The following CELF2 variants were observed in gnomAD, a reference collection of about 807,000 sequenced individuals.
CELF2 encodes the protein CUGBP Elav-like family member 2.
CELF2 carries 8 observed loss-of-function variants against 62.6 expected under a neutral mutation model. That is an observed-to-expected ratio of 0.13 (90% CI 0.07 to 0.23). The LOEUF is 0.23. CELF2 is among the 10% of genes least tolerant of loss of function. CELF2 has a pLI of 1.00. For synonymous variants in CELF2, 258 were observed against 250.0 expected, an observed-to-expected ratio of 1.03 and a Z score of -0.30; for missense variants, 333 against 671.0, an observed-to-expected ratio of 0.50 and a Z score of 5.56.
intron 2 of CELF2, among the ~76,000 whole-genome samples, chr10:10,961,035 C>T (rs1032218753): frequency 2.0e-5 from 3 of 152,148 alleles, no homozygotes; most frequent in Admixed American, 1.3e-4. Flanking sequence ...TTAGCACAGC[C>T]CCCAGCTGCC....
the CELF2 span, among the ~76,000 whole-genome samples, chr10:10,771,739 G>T: frequency 6.6e-6 from 1 of 152,188 alleles, no homozygotes; most frequent in Non-Finnish European, 1.5e-5. Flanking sequence ...TGATTGTGAG[G>T]CTTCCCCAGC....
chr10:11,179,937 T>C (rs896763833), intron 2 of CELF2, among the ~76,000 whole-genome samples: 1 of 152,122 alleles, frequency 6.6e-6, no homozygotes, highest in African/African-American at 2.4e-5. Context: ...GTTCTCAAAA[T>C]AGTCCTAAAC....
At chr10:11,094,848 CA>C (rs2142116166) in intron 1 of CELF2, among the ~76,000 whole-genome samples, 1 of 152,262 alleles carries the variant, frequency 6.6e-6, no homozygotes, top group Admixed American at 6.5e-5. Context: ...GGGACATTGA[CA>C]AGAACTCTAG....
At position 11,006,758 on chromosome 10, in the gene CELF2, G is replaced by T. The variant is rs893721653; in HGVS notation, c.53+1318G>T. 5.9e-5 allele frequency among the ~76,000 whole-genome samples: 9 copies of T among 152,268 alleles called. No homozygotes were observed. The South Asian group carries it at 1.9e-3, about 32-fold the overall frequency. On this transcript the variant is annotated intron_variant, in intron 1 of 12. Coordinates refer to the CELF2 transcript ENST00000416382. ...AAACTATTATTATATAGCCTATTAA[G>T]TTGTGAAGTTCAAGGTCTCTGTGGA...
At chr10:10,812,260 A>G (rs1281838251) in intron 1 of CELF2, among the ~76,000 whole-genome samples, 1 of 152,196 alleles carries the variant, frequency 6.6e-6, no homozygotes, top group Non-Finnish European at 1.5e-5. Flanking sequence ...CAAAAGGGGA[A>G]ACCCCTTATC....
chr10:10,581,684 G>A, the CELF2 span, among the ~76,000 whole-genome samples: 611 of 152,278 alleles, frequency 4.0e-3, 2 homozygotes, highest in African/African-American at 0.014. Flanking sequence ...AATAACTAAT[G>A]TGATGATTTG....
At chr10:10,587,781 A>G in the CELF2 span, among the ~76,000 whole-genome samples, 1 of 152,132 alleles carries the variant, frequency 6.6e-6, no homozygotes. Flanking sequence ...TGGTAATTTT[A>G]CTACTAAAGA....
chr10:10,810,318 T>A (rs1381614588), intron 1 of CELF2, among the ~76,000 whole-genome samples: 1 of 152,252 alleles, frequency 6.6e-6, no homozygotes, highest in Non-Finnish European at 1.5e-5. Context: ...AACATTCACC[T>A]GCTGAATGTG....
At chr10:11,082,860 T>C (rs563646302) in intron 1 of CELF2, among the ~76,000 whole-genome samples, 1 of 152,302 alleles carries the variant, frequency 6.6e-6, no homozygotes, top group African/African-American at 2.4e-5. Context: ...TCGAGCAAAA[T>C]GGTCAGAATT....
rs1253793191 is a variant in CELF2, at chr10:10,972,036, C to T, written c.89+52037C>T. Among the ~76,000 whole-genome samples, 1 of 152,122 alleles carries T rather than the reference C, an allele frequency of 6.6e-6. No individual in the cohort carries two copies. The highest frequency in any genetic ancestry group is 2.4e-5 in the African/African-American group (1 of 41,416). ...TCTTAGTGAATCTGTTGCTCTTTTT[C>T]AGTCAGTTCATCTTTACTACTCCAC... On this transcript the variant is annotated intron_variant, in intron 2 of 13. Coordinates refer to the CELF2 transcript ENST00000636488. This position sits in a 1 kb window ranked among gnomAD's most constrained non-coding sequence, Gnocchi z 4.4.
chr10:11,095,172 T>C lies in CELF2; in HGVS notation c.75-70314T>C, dbSNP rs182090228. Among the ~76,000 whole-genome samples, 32 of 152,274 alleles carry C rather than the reference T, an allele frequency of 2.1e-4. No homozygotes were observed. The East Asian group carries it at 5.8e-3, about 28-fold the overall frequency. On this transcript the variant is annotated intron_variant, in intron 1 of 12. Transcript: ENST00000633077. ...CCCCGTGATACTTTGCGTAGGGGGT[T>C]TACAAAGCGAAGTTTCTTCCTATGA... is the stretch of plus-strand genomic sequence containing the variant.
chr10:11,163,874 G>A (rs2066322252), intron 1 of CELF2, among the ~76,000 whole-genome samples: 1 of 152,082 alleles, frequency 6.6e-6, no homozygotes, highest in Admixed American at 6.5e-5. Context: ...TGTTTTTAGG[G>A]GCTTAGGGCC....
the CELF2 span, among the ~76,000 whole-genome samples, chr10:10,639,033 T>A: frequency 1.4e-4 from 21 of 152,342 alleles, no homozygotes; most frequent in Non-Finnish European, 2.6e-4. Flanking sequence ...TCCTCTGTGA[T>A]TCAATGTTAT....
chr10:10,690,925 T>C, the CELF2 span, among the ~76,000 whole-genome samples: 1 of 152,098 alleles, frequency 6.6e-6, no homozygotes, highest in Non-Finnish European at 1.5e-5. Context: ...GCTTATGTCC[T>C]CAAGGAACTT....
chr10:10,995,152 T>C lies in CELF2; in HGVS notation c.89+75153T>C, dbSNP rs1163865305. 6.6e-6 allele frequency among the ~76,000 whole-genome samples: 1 copy of C among 152,258 alleles called. No homozygotes were observed. The highest frequency in any genetic ancestry group is 2.4e-5 in the African/African-American group (1 of 41,474). Reference sequence around the variant, plus strand: ...ATAAGTTCCTTAAGGGCAGGAGCTATGCCCCGTGCCTCTTTTGAATCCTCC... The same window carrying C: ...ATAAGTTCCTTAAGGGCAGGAGCTACGCCCCGTGCCTCTTTTGAATCCTCC... On this transcript the variant is annotated intron_variant, in intron 2 of 13. Transcript: ENST00000636488. This position sits in a 1 kb window ranked among gnomAD's most constrained non-coding sequence, Gnocchi z 4.7.
At chr10:10,640,870 A>G in the CELF2 span, among the ~76,000 whole-genome samples, 1 of 152,188 alleles carries the variant, frequency 6.6e-6, no homozygotes. Context: ...AGTTATGACA[A>G]TGGATGGAAA....
intron 4 of CELF2, among the ~76,000 whole-genome samples, chr10:11,252,333 C>G (rs1419866545): frequency 6.6e-6 from 1 of 152,222 alleles, no homozygotes; most frequent in Non-Finnish European, 1.5e-5. Context: ...ATAACGAGCT[C>G]TAATTGCACT....
the CELF2 span, among the ~76,000 whole-genome samples, chr10:10,688,647 A>G: frequency 6.6e-6 from 1 of 152,206 alleles, no homozygotes; most frequent in Non-Finnish European, 1.5e-5. Context: ...ATCCCTAAGA[A>G]TGGAACCAAT....
chr10:10,777,835 C>T, the CELF2 span, among the ~76,000 whole-genome samples: 1 of 152,152 alleles, frequency 6.6e-6, no homozygotes, highest in African/African-American at 2.4e-5. Flanking sequence ...CTTCCTGGCC[C>T]TTACCCTAAA....
Sources: gnomAD v4.1 joint callset for allele counts (sites outside exome capture counted in the v4.1 genomes callset) on GRCh38, gnomAD v4.1.1 for gene constraint, Gnocchi (gnomAD v3.1) non-coding constraint, MANE v1.5 for transcripts, NCBI Gene and HGNC (gene_info 2026-07-23, HGNC 2026-07-21) for gene names.